The following CCDC171 variants were observed in gnomAD, a reference collection of about 807,000 sequenced individuals.
The protein encoded by CCDC171 is coiled-coil domain containing 171.
CCDC171 carries 177 observed loss-of-function variants against 168.2 expected under a neutral mutation model. That is an observed-to-expected ratio of 1.05 (90% CI 0.93 to 1.19). CCDC171 has a LOEUF of 1.19. Among genes scored for constraint, CCDC171 ranks in the 50% most tolerant of loss-of-function variants. The pLI, the probability that CCDC171 is intolerant of heterozygous loss-of-function variation, is 0.00. For synonymous variants in CCDC171, 687 were observed against 540.8 expected, an observed-to-expected ratio of 1.27 and a Z score of -3.75; for missense variants, 1,991 against 1,539.0, an observed-to-expected ratio of 1.29 and a Z score of -4.91.
intron 3 of CCDC171, among the ~76,000 whole-genome samples, chr9:15,578,130 T>G (rs2040818583): frequency 6.6e-6 from 1 of 152,208 alleles, no homozygotes; most frequent in South Asian, 2.1e-4. Context: ...GTTTATTGGT[T>G]CCATTTAGGG....
chr9:15,570,385 G>GT (rs978878389), intron 2 of CCDC171, among the ~76,000 whole-genome samples: 49 of 148,634 alleles, frequency 3.3e-4, no homozygotes, highest in East Asian at 2.4e-3. Context: ...GACAATGTTA[G>GT]TTTTTTTTTT....
chr9:15,600,380 T>C (rs959154866), intron 6 of CCDC171, among the ~76,000 whole-genome samples: 2 of 152,218 alleles, frequency 1.3e-5, no homozygotes, highest in South Asian at 4.1e-4. Flanking sequence ...TGAAGGTCTG[T>C]TGGAGTTTGC....
chr9:16,084,076 G>A, the CCDC171 span, among the ~76,000 whole-genome samples: 13 of 152,190 alleles, frequency 8.5e-5, no homozygotes, highest in African/African-American at 3.1e-4. Flanking sequence ...GATGCAGGTG[G>A]TTCCTTTTAA....
intron 6 of CCDC171, among the ~76,000 whole-genome samples, chr9:15,601,679 A>G (rs2042865857): frequency 6.6e-6 from 1 of 152,230 alleles, no homozygotes; most frequent in African/African-American, 2.4e-5. Context: ...AAAATGCTGT[A>G]GTGCCACAGA....
intron 24 of CCDC171, among the ~76,000 whole-genome samples, chr9:15,910,182 A>G (rs921147258): frequency 2.6e-5 from 4 of 151,858 alleles, no homozygotes; most frequent in African/African-American, 9.7e-5. Context: ...GCACACACAC[A>G]CACACACACA....
intron 9 of CCDC171, among the ~76,000 whole-genome samples, chr9:15,678,445 CT>C (rs1221092154): frequency 3.9e-5 from 6 of 152,068 alleles, no homozygotes; most frequent in Admixed American, 2.6e-4. Flanking sequence ...AGTCTCTGAG[CT>C]AATTGAACTA....
intron 1 of CCDC171, among the ~76,000 whole-genome samples, chr9:15,561,327 A>G (rs1322691511): frequency 4.6e-5 from 7 of 152,198 alleles, no homozygotes; most frequent in Non-Finnish European, 8.8e-5. Context: ...TTCACAAGTA[A>G]TGATCAATTG....
At chr9:15,939,706 C>T (rs1589186404) in intron 25 of CCDC171, among the ~76,000 whole-genome samples, 1 of 151,776 alleles carries the variant, frequency 6.6e-6, no homozygotes. Context: ...ACTTTTATGT[C>T]ATTTAGAAAT....
chr9:15,649,873 G>T (rs186972932), intron 7 of CCDC171, among the ~76,000 whole-genome samples: 229 of 152,286 alleles, frequency 1.5e-3, no homozygotes, highest in African/African-American at 5.2e-3. Context: ...TAGAAATACG[G>T]TTTGAGCCAG....
chr9:16,095,899 T>TAC, the CCDC171 span, among the ~76,000 whole-genome samples: 2,065 of 140,200 alleles, frequency 0.015, 36 homozygotes, highest in Non-Finnish European at 0.024. Context: ...TATATATATA[T>TAC]ACTGCCTCCA....
chr9:15,867,626 C>T (rs2061845651), intron 23 of CCDC171, among the ~76,000 whole-genome samples: 1 of 151,976 alleles, frequency 6.6e-6, no homozygotes, highest in Admixed American at 6.6e-5. Flanking sequence ...CTGACCTAGC[C>T]AAGCTAAAAA....
chr9:15,824,917 A>T (rs2059950755), intron 21 of CCDC171, among the ~76,000 whole-genome samples: 1 of 152,078 alleles, frequency 6.6e-6, no homozygotes, highest in South Asian at 2.1e-4. Context: ...TTTGCTGTTA[A>T]AATGGTTCCT....
At chr9:15,797,540 G>A (rs1473280125) in intron 21 of CCDC171, among the ~76,000 whole-genome samples, 1 of 152,048 alleles carries the variant, frequency 6.6e-6, no homozygotes, top group Admixed American at 6.6e-5. Flanking sequence ...TAAACTTTGG[G>A]TTGTTTGTCT....
At chr9:16,061,994 A>T (rs1422531008), downstream of CCDC171, among the ~76,000 whole-genome samples, 2 of 152,168 alleles carry the variant, frequency 1.3e-5, no homozygotes, top group African/African-American at 2.4e-5. Flanking sequence ...AAAAATTTTT[A>T]AAAATACCTC....
intron 24 of CCDC171, among the ~76,000 whole-genome samples, chr9:15,880,991 C>T (rs1818566858): frequency 6.6e-6 from 1 of 152,146 alleles, no homozygotes; most frequent in Non-Finnish European, 1.5e-5. Flanking sequence ...TTTGTCTCAT[C>T]TAGCTACTTG....
rs373842789 is a variant in CCDC171 at position 16,025,032 on chromosome 9, C to G, written n.998+2124C>G. On this transcript the variant is annotated intron_variant and non_coding_transcript_variant, in intron 6 of 9. Transcript: ENST00000486641. ...GTGGGAATGTAAACTGGTACAGCCA[C>G]TTTGGAAAACAGTTTGACAGTTCCT... Among the ~76,000 whole-genome samples, 6 of 152,320 alleles carry G rather than the reference C, an allele frequency of 3.9e-5. No homozygotes were observed. In the East Asian group the frequency reaches 1.2e-3, roughly 29 times the overall value.
intron 25 of CCDC171, among the ~76,000 whole-genome samples, chr9:15,935,052 T>C (rs1044139035): frequency 6.6e-6 from 1 of 152,104 alleles, no homozygotes; most frequent in Non-Finnish European, 1.5e-5. Context: ...AATTTCATTC[T>C]GGGGTGATGA....
intron 25 of CCDC171, among the ~76,000 whole-genome samples, chr9:15,922,971 C>T (rs1482570941): frequency 6.6e-6 from 1 of 151,448 alleles, no homozygotes; most frequent in Non-Finnish European, 1.5e-5. Context: ...ATCCCTGTCA[C>T]ATGTATAGCT....
intron 1 of CCDC171, among the ~76,000 whole-genome samples, chr9:16,045,016 C>T (rs1467948333): frequency 6.6e-6 from 1 of 152,194 alleles, no homozygotes; most frequent in Non-Finnish European, 1.5e-5. Flanking sequence ...TACTGCTTGT[C>T]TTATATTCAT....
Sources: gnomAD v4.1 joint callset for allele counts (sites outside exome capture counted in the v4.1 genomes callset) on GRCh38, gnomAD v4.1.1 for gene constraint, MANE v1.5 for transcripts, NCBI Gene and HGNC (gene_info 2026-07-23, HGNC 2026-07-21) for gene names.